Variants in CARMIL1 observed in about 807,000 individuals in gnomAD.
The protein encoded by CARMIL1 is capping protein regulator and myosin 1 linker 1.
In CARMIL1, 90 loss-of-function variants were observed where a neutral mutation model predicts 177.1. The ratio of observed to expected loss-of-function variants is 0.51; its 90% CI spans 0.43 to 0.61. CARMIL1 has a LOEUF of 0.61. Among genes scored for constraint, CARMIL1 ranks in the 20% least tolerant of loss-of-function variants. CARMIL1 has a pLI of 0.00. For synonymous variants in CARMIL1, 577 were observed against 606.2 expected, an observed-to-expected ratio of 0.95 and a Z score of 0.71; for missense variants, 1,380 against 1,667.0, an observed-to-expected ratio of 0.83 and a Z score of 3.00.
At chr6:25,580,218 G>A (rs919494671) in intron 29 of CARMIL1, among the ~76,000 whole-genome samples, 20 of 152,222 alleles carry the variant, frequency 1.3e-4, no homozygotes, top group South Asian at 4.2e-4. Flanking sequence ...GCTTCCCTCC[G>A]TCTTTGACAT....
At chr6:25,415,418 T>G (rs2150665844) in intron 2 of CARMIL1, among the ~76,000 whole-genome samples, 1 of 152,048 alleles carries the variant, frequency 6.6e-6, no homozygotes. Flanking sequence ...AAAGGGCAAG[T>G]CAAGAGAAGA....
At chr6:25,606,354 T>C in intron 35 of CARMIL1, 81 bp downstream of exon 35, 1 of 1,340,798 alleles carries the variant, frequency 7.5e-7, no homozygotes, top group East Asian at 2.5e-5. Context: ...GCAGGTGGTT[T>C]CAGGGGCAGC....
At chr6:25,483,860 TG>T (rs1346648635) in intron 12 of CARMIL1, among the ~76,000 whole-genome samples, 1 of 152,012 alleles carries the variant, frequency 6.6e-6, no homozygotes, top group Non-Finnish European at 1.5e-5. Flanking sequence ...CTCAACCTCC[TG>T]GGCTCAAGCG....
intron 20 of CARMIL1, among the ~76,000 whole-genome samples, chr6:25,512,514 T>C (rs1805552720): frequency 6.6e-6 from 1 of 152,254 alleles, no homozygotes; most frequent in Non-Finnish European, 1.5e-5. Flanking sequence ...AGTCTTGTGA[T>C]GATAAAAATT....
intron 8 of CARMIL1, among the ~76,000 whole-genome samples, chr6:25,459,135 TGATTCTTTA>T (rs1188689494): frequency 6.6e-6 from 1 of 151,894 alleles, no homozygotes; most frequent in Non-Finnish European, 1.5e-5. Flanking sequence ...GAGAAAAACT[TGATTCTTTA>T]GAGTTTTAAG....
Position 25,609,470 on chromosome 6 carries a change from A to AG in CARMIL1, c.3848-580_3848-579insG, listed in dbSNP as rs1285344262. Among the ~76,000 whole-genome samples the AG allele has an allele frequency of 3.3e-5, 5 of 151,830 alleles. No individual in the cohort carries two copies. In the East Asian group the frequency reaches 7.7e-4, roughly 24 times the overall value. ...AACAGAGCAAGACTCCATCTCAAAA[A>AG]AAAAAAAAAGAGAGACTAGAATTCT... On this transcript the variant is annotated intron_variant, in intron 35 of 36. Coordinates refer to ENST00000329474, the MANE Select transcript of CARMIL1 (RefSeq NM_017640.6).
chr6:25,618,342 A>C (rs1759457795), intron 36 of CARMIL1, among the ~76,000 whole-genome samples: 1 of 152,020 alleles, frequency 6.6e-6, no homozygotes, highest in Non-Finnish European at 1.5e-5. Flanking sequence ...GGATTGATGT[A>C]GTGTGTTCCT....
intron 13 of CARMIL1, among the ~76,000 whole-genome samples, chr6:25,489,169 A>T (rs1399314165): frequency 2.9e-4 from 4 of 13,574 alleles, no homozygotes; most frequent in Non-Finnish European, 5.3e-4. Flanking sequence ...CGTATCAAAC[A>T]ATAACAACAA....
chr6:25,308,328 A>G (rs1423238710), intron 2 of CARMIL1, among the ~76,000 whole-genome samples: 1 of 150,614 alleles, frequency 6.6e-6, no homozygotes, highest in Admixed American at 6.6e-5. Context: ...GAAAGCTCTT[A>G]TTAATAGAAT....
At chr6:25,589,367 C>T (rs1814083928) in intron 31 of CARMIL1, among the ~76,000 whole-genome samples, 2 of 152,186 alleles carry the variant, frequency 1.3e-5, no homozygotes, top group Non-Finnish European at 2.9e-5. Flanking sequence ...TTTCGATGTA[C>T]TTCATATGAA....
intron 4 of CARMIL1, among the ~76,000 whole-genome samples, chr6:25,431,696 G>A (rs147363520): frequency 2.2e-3 from 327 of 152,054 alleles, no homozygotes; most frequent in Admixed American, 3.9e-3. Context: ...TGTTGATGCA[G>A]CAAGACTAAT....
intron 3 of CARMIL1, among the ~76,000 whole-genome samples, chr6:25,421,575 G>A (rs1795857638): frequency 1.3e-5 from 2 of 151,946 alleles, no homozygotes; most frequent in South Asian, 2.1e-4. Context: ...AAATGCACAC[G>A]TATGTTTATT....
intron 17 of CARMIL1, among the ~76,000 whole-genome samples, chr6:25,505,706 G>A (rs1804842141): frequency 1.3e-5 from 2 of 152,122 alleles, no homozygotes; most frequent in African/African-American, 4.8e-5. Context: ...ACCTACCTCG[G>A]CCTCTCAAAG....
At chr6:25,410,681 C>T (rs1218486802) in intron 2 of CARMIL1, among the ~76,000 whole-genome samples, 2 of 152,156 alleles carry the variant, frequency 1.3e-5, no homozygotes, top group Non-Finnish European at 2.9e-5. Context: ...ATTTGTTCCA[C>T]GAGGGCAGCC....
At chr6:25,404,337 A>G (rs1219101411) in intron 2 of CARMIL1, among the ~76,000 whole-genome samples, 4 of 152,232 alleles carry the variant, frequency 2.6e-5, no homozygotes, top group Non-Finnish European at 4.4e-5. Context: ...CAATGGAGGC[A>G]AGAAGGGATC....
intron 2 of CARMIL1, among the ~76,000 whole-genome samples, chr6:25,312,019 A>C (rs1783860053): frequency 6.6e-6 from 1 of 152,256 alleles, no homozygotes; most frequent in Non-Finnish European, 1.5e-5. Context: ...CAACGATTAC[A>C]ACAAAAGGGT....
At chr6:25,287,625 C>T (rs1312310213) in intron 2 of CARMIL1, 1 of 152,400 alleles carries the variant, frequency 6.6e-6, no homozygotes, top group African/African-American at 2.4e-5. Flanking sequence ...TATATCCCCA[C>T]TACAACGCTA....
rs1798701102 is a variant in CARMIL1 at position 25,450,727 on chromosome 6, C to T, written c.614+16C>T. On this transcript the variant is annotated intron_variant, in intron 8 of 36. Transcript: ENST00000329474. ...TTGACCACAGGTAAGCTGCTTCCTT[C>T]CTTCTTTCCTCCTTTCCTCCCTCCC... 8.1e-7 allele frequency: 1 copy of T among 1,230,642 alleles called. No individual in the cohort carries two copies. 76.2% of individuals were successfully genotyped at this position (1,230,642 alleles called of 1,614,324 possible).
At chr6:25,524,992 C>T (rs112486688) in intron 23 of CARMIL1, among the ~76,000 whole-genome samples, 5 of 152,096 alleles carry the variant, frequency 3.3e-5, no homozygotes, top group African/African-American at 1.2e-4. Flanking sequence ...GGGATAATTA[C>T]AGAAGATGAA....
Sources: allele counts gnomAD v4.1 joint callset (sites outside exome capture counted in the v4.1 genomes callset), GRCh38; gene constraint gnomAD v4.1.1; transcripts MANE v1.5; gene names NCBI Gene and HGNC (gene_info 2026-07-23, HGNC 2026-07-21).